Variants in THOC5 observed in about 807,000 individuals in gnomAD.
THOC5 encodes THO complex subunit 5, also known as Fms-interacting protein.
In THOC5, 43 loss-of-function variants were observed where a neutral mutation model predicts 92.9. The ratio of observed to expected loss-of-function variants is 0.46; its 90% CI spans 0.36 to 0.60. THOC5 has a LOEUF of 0.60. THOC5 is among the 20% of genes least tolerant of loss of function. The pLI, the probability that THOC5 is intolerant of heterozygous loss-of-function variation, is 0.00. For synonymous variants in THOC5, 296 were observed against 320.1 expected (o/e 0.92, Z 0.80); for missense variants, 659 against 849.4 (o/e 0.78, Z 2.79).
At chr22:29,533,862 A>C (rs2063702585) in intron 7 of THOC5, among the ~76,000 whole-genome samples, 1 of 152,222 alleles carries the variant, frequency 6.6e-6, no homozygotes, top group Admixed American at 6.5e-5. Context: ...AAACAATTAG[A>C]ACTTGCATAT....
intron 1 of THOC5, among the ~76,000 whole-genome samples, chr22:29,551,960 AT>A (rs2064159253): frequency 6.6e-6 from 1 of 151,712 alleles, no homozygotes; most frequent in South Asian, 2.1e-4. Flanking sequence ...TGGTTTTCGT[AT>A]TTTTTGGTGG....
chr22:29,518,689 C>T (rs1434073195), intron 15 of THOC5, among the ~76,000 whole-genome samples: 1 of 152,200 alleles, frequency 6.6e-6, no homozygotes, highest in African/African-American at 2.4e-5. Flanking sequence ...AAATATGTGT[C>T]GAATGCACAT....
At chr22:29,525,437 C>T (rs2063524058) in intron 12 of THOC5, among the ~76,000 whole-genome samples, 1 of 152,014 alleles carries the variant, frequency 6.6e-6, no homozygotes, top group Non-Finnish European at 1.5e-5. Flanking sequence ...TTGGGCTGAG[C>T]TGGGGAGCAA....
At chr22:29,530,922 G>A (rs2146505866) in intron 8 of THOC5, among the ~76,000 whole-genome samples, 1 of 152,304 alleles carries the variant, frequency 6.6e-6, no homozygotes, top group East Asian at 1.9e-4. Context: ...GCAACCCTAT[G>A]TGAATCACCA....
At chr22:29,511,445 G>T in intron 18 of THOC5, 149 bp from the exon 19 acceptor site, 1 of 777,204 alleles carries the variant, frequency 1.3e-6, no homozygotes, top group Non-Finnish European at 2.0e-6. Flanking sequence ...AGCTAGACTG[G>T]CTTGTCCTCA....
At position 29,541,142 on chromosome 22, in the gene THOC5, G is replaced by A. The variant is rs531025196; in HGVS notation, c.453-1666C>T. Among the ~76,000 whole-genome samples, 41 of 151,582 alleles carry A rather than the reference G, an allele frequency of 2.7e-4. No individual in the cohort carries two copies. In the South Asian group the frequency reaches 5.8e-3, roughly 22 times the overall value. ...AGAGGTTGCAATGAGCCAAGATCAC[G>A]CCACCACACTCCAGCCTGGGCAACA... On this transcript the variant is annotated intron_variant, in intron 5 of 19. Coordinates refer to ENST00000490103, the MANE Select transcript of THOC5 (RefSeq NM_003678.5).
intron 6 of THOC5, among the ~76,000 whole-genome samples, chr22:29,538,954 T>A (rs1482989770): frequency 1.3e-5 from 2 of 148,790 alleles, no homozygotes; most frequent in African/African-American, 5.0e-5. Context: ...CTACAAAAAA[T>A]ACAAATAATA....
chr22:29,527,290 A>G (rs2063562823), intron 11 of THOC5, among the ~76,000 whole-genome samples: 1 of 152,140 alleles, frequency 6.6e-6, no homozygotes, highest in South Asian at 2.1e-4. Context: ...ATGATGGCAC[A>G]TGCCTGTAGC....
chr22:29,548,968 C>A (rs1172232119), intron 2 of THOC5, 84 bp downstream of exon 2: 4 of 1,377,962 alleles, frequency 2.9e-6, no homozygotes, highest in Non-Finnish European at 4.0e-6. Context: ...GTAGATGCGA[C>A]CCCGAGCTGC....
chr22:29,519,830 C>A (rs1477499212), intron 14 of THOC5, among the ~76,000 whole-genome samples, 178 bp downstream of exon 14: 1 of 151,958 alleles, frequency 6.6e-6, no homozygotes, highest in Admixed American at 6.6e-5. Context: ...GATGGGGTTT[C>A]ATCATGTTGG....
At chr22:29,551,486 T>G (rs1470375152) in intron 1 of THOC5, among the ~76,000 whole-genome samples, 1 of 151,962 alleles carries the variant, frequency 6.6e-6, no homozygotes, top group Non-Finnish European at 1.5e-5. Context: ...ACACCTGTAA[T>G]CCCAACACTT....
chr22:29,530,257 G>T (rs984007305), intron 8 of THOC5, among the ~76,000 whole-genome samples: 2 of 151,932 alleles, frequency 1.3e-5, no homozygotes, highest in African/African-American at 2.4e-5. Context: ...TAGGCTGGGT[G>T]TGGTGGCTCA....
At chr22:29,513,230 G>A (rs1396213573) in intron 17 of THOC5, among the ~76,000 whole-genome samples, 2 of 152,000 alleles carry the variant, frequency 1.3e-5, no homozygotes, top group Non-Finnish European at 2.9e-5. Flanking sequence ...GGCGACTGTA[G>A]TCCCAGCTAC....
intron 2 of THOC5, among the ~76,000 whole-genome samples, chr22:29,546,401 A>C (rs1407820878): frequency 6.0e-5 from 7 of 117,484 alleles, no homozygotes; most frequent in African/African-American, 2.5e-4. Context: ...TTCTCCGCAA[A>C]AAATGGGTTT....
At position 29,509,061 on chromosome 22, in the gene THOC5, C is replaced by T. The variant is rs143792151; in HGVS notation, c.1989-541G>A. ...CCATGCCAGCACTCTGCATCCTGGC[C>T]GGAGAGCCTTGCCTCTCACATCTAC... On this transcript the variant is annotated intron_variant, in intron 19 of 19. Coordinates refer to ENST00000490103, the MANE Select transcript of THOC5 (RefSeq NM_003678.5). Among the ~76,000 whole-genome samples the T allele has an allele frequency of 1.0e-3, 155 of 152,122 alleles. 4 individuals carry two copies. In the East Asian group the frequency reaches 0.026, roughly 26 times the overall value.
chr22:29,521,549 G>T (rs1050068433), intron 12 of THOC5, among the ~76,000 whole-genome samples: 1 of 152,142 alleles, frequency 6.6e-6, no homozygotes, highest in African/African-American at 2.4e-5. Context: ...ACTCCTTTCT[G>T]CTACAGAGAG....
rs893922361 is a variant in THOC5 at position 29,511,233 on chromosome 22, G to C, written c.1861C>G (p.Leu621Val). The C allele has an allele frequency of 1.2e-6, 2 of 1,614,098 alleles. No individual in the cohort carries two copies. Among genetic ancestry groups the C allele is most frequent in the African/African-American group, 2.7e-5 (2 of 74,948 alleles). Residue 621 changes from leucine to valine, a missense_variant, in exon 19 of 20, where the codon CTG (leucine) becomes GTG (valine). By Grantham distance (32) the Leu-to-Val change is conservative. Coordinates refer to ENST00000490103, the MANE Select transcript of THOC5 (RefSeq NM_003678.5). The part of the protein sequence containing the change: ...ELCGPWPSHQ[L>V]LTNQLQRLCV... ...AGCCGCTGCAGCTGGTTGGTCAACA[G>C]CTGGTGGCTGGGCCAAGGGCCACAC... is the stretch of plus-strand genomic sequence containing the variant.
At chr22:29,508,674 C>A (rs1413720322) in intron 19 of THOC5, among the ~76,000 whole-genome samples, 154 bp from the exon 20 acceptor site, 1 of 152,142 alleles carries the variant, frequency 6.6e-6, no homozygotes, top group East Asian at 1.9e-4. Context: ...ATATAAGGTG[C>A]GATACTATTT....
chr22:29,548,933 G>A (rs1368152205), intron 2 of THOC5, 119 bp downstream of exon 2: 2 of 830,088 alleles, frequency 2.4e-6, no homozygotes, highest in Admixed American at 2.7e-5. Flanking sequence ...CTGGTCAAGT[G>A]GAAGCCACCA....
Sources: gnomAD v4.1 joint callset for allele counts (sites outside exome capture counted in the v4.1 genomes callset) on GRCh38, gnomAD v4.1.1 for gene constraint, MANE v1.5 for transcripts, NCBI Gene and HGNC (gene_info 2026-07-23, HGNC 2026-07-21) for gene names.